The following DLG2 variants were observed in gnomAD, a reference collection of about 807,000 sequenced individuals.
DLG2 encodes the protein disks large homolog 2.
In DLG2, 45 loss-of-function variants were observed where a neutral mutation model predicts 132.5. That is an observed-to-expected ratio of 0.34 (90% CI 0.27 to 0.44). DLG2 has a LOEUF of 0.44. DLG2 is among the 20% of genes least tolerant of loss of function. The pLI is 1.00. For synonymous variants in DLG2, 424 were observed against 419.6 expected, an observed-to-expected ratio of 1.01 and a Z score of -0.13; for missense variants, 1,045 against 1,196.9, an observed-to-expected ratio of 0.87 and a Z score of 1.87.
chr11:84,091,921 G>T (rs894228385), intron 10 of DLG2, among the ~76,000 whole-genome samples: 2 of 152,140 alleles, frequency 1.3e-5, no homozygotes, highest in African/African-American at 4.8e-5. Context: ...TACTTAGTAC[G>T]TAAAGGATGC....
chr11:84,608,748 A>G (rs1277664183), intron 6 of DLG2, among the ~76,000 whole-genome samples: 2 of 152,192 alleles, frequency 1.3e-5, no homozygotes, highest in Admixed American at 1.3e-4. Flanking sequence ...TTTCTAGAGT[A>G]TGCTTTGTGA....
intron 7 of DLG2, among the ~76,000 whole-genome samples, chr11:84,280,867 A>AT (rs35970331): frequency 0.087 from 5,874 of 67,644 alleles, 609 homozygotes; most frequent in Non-Finnish European, 0.1. Context: ...TGCCCAGCCA[A>AT]TTTTTTTTTT....
chr11:84,469,153 A>C (rs1327797004), intron 7 of DLG2, among the ~76,000 whole-genome samples: 1 of 151,664 alleles, frequency 6.6e-6, no homozygotes, highest in Non-Finnish European at 1.5e-5. Context: ...TGGACCTAAA[A>C]TTGGAAGGTT....
chr11:84,930,308 T>C (rs555242479), intron 6 of DLG2, among the ~76,000 whole-genome samples: 1 of 152,232 alleles, frequency 6.6e-6, no homozygotes, highest in Admixed American at 6.6e-5. Flanking sequence ...AACCCCACAT[T>C]AAGCACTTCA....
At chr11:84,859,669 C>A (rs1269051421) in intron 6 of DLG2, among the ~76,000 whole-genome samples, 2 of 151,702 alleles carry the variant, frequency 1.3e-5, no homozygotes. Context: ...CTATTTTCCT[C>A]TTTTTCCTTT....
intron 19 of DLG2, among the ~76,000 whole-genome samples, chr11:83,614,928 T>C (rs1350576757): frequency 6.6e-6 from 1 of 152,178 alleles, no homozygotes; most frequent in Admixed American, 6.5e-5. Context: ...CTGATTTGCT[T>C]TGGGTGGCTT....
intron 5 of DLG2, among the ~76,000 whole-genome samples, chr11:85,116,458 T>C (rs1393791415): frequency 6.6e-6 from 1 of 152,022 alleles, no homozygotes; most frequent in Non-Finnish European, 1.5e-5. Flanking sequence ...GTGTTCATTA[T>C]GCATCATCCA....
chr11:84,217,551 G>A (rs1190458877), intron 8 of DLG2, among the ~76,000 whole-genome samples: 1 of 152,034 alleles, frequency 6.6e-6, no homozygotes, highest in Non-Finnish European at 1.5e-5. Flanking sequence ...GTTTGTATCA[G>A]CATCATGAAA....
chr11:85,433,585 T>C (rs551684266), intron 3 of DLG2, among the ~76,000 whole-genome samples: 1 of 152,282 alleles, frequency 6.6e-6, no homozygotes, highest in Admixed American at 6.5e-5. Flanking sequence ...CATTACATAA[T>C]GGTAAAGGGA....
intron 3 of DLG2, among the ~76,000 whole-genome samples, chr11:85,347,563 T>A (rs1013030242): frequency 1.3e-5 from 2 of 152,054 alleles, no homozygotes; most frequent in Non-Finnish European, 2.9e-5. Flanking sequence ...CTCTCCTCTG[T>A]CCCCTATATA....
intron 3 of DLG2, among the ~76,000 whole-genome samples, chr11:85,592,297 T>C (rs1227447823): frequency 6.6e-5 from 10 of 152,246 alleles, no homozygotes; most frequent in Admixed American, 6.5e-4. Context: ...ACTCTTTTTA[T>C]TTAAATAAGT....
chr11:85,529,454 T>C (rs1467517758), intron 3 of DLG2, among the ~76,000 whole-genome samples: 2 of 152,192 alleles, frequency 1.3e-5, no homozygotes, highest in African/African-American at 4.8e-5. Flanking sequence ...CTATTTTTTA[T>C]CTTGTTCACT....
chr11:84,445,681 C>T (rs746005066), intron 7 of DLG2, among the ~76,000 whole-genome samples: 10 of 151,986 alleles, frequency 6.6e-5, no homozygotes, highest in Non-Finnish European at 1.5e-4. Context: ...CTTTGGGAGG[C>T]CGAGGCGGGT....
chr11:84,652,907 G>A (rs2099683764), intron 6 of DLG2, among the ~76,000 whole-genome samples: 1 of 151,482 alleles, frequency 6.6e-6, no homozygotes. Context: ...ACAATGGTGA[G>A]GTACAATAGA....
chr11:85,572,470 T>A (rs1228812882), intron 3 of DLG2, among the ~76,000 whole-genome samples: 1 of 152,178 alleles, frequency 6.6e-6, no homozygotes, highest in Non-Finnish European at 1.5e-5. Context: ...TGTATTTCAT[T>A]TTTATTTCTT....
At chr11:84,305,151 A>C (rs2098201526) in intron 7 of DLG2, among the ~76,000 whole-genome samples, 1 of 152,220 alleles carries the variant, frequency 6.6e-6, no homozygotes, top group Non-Finnish European at 1.5e-5. Flanking sequence ...CTCCACAGCC[A>C]TAATGCAGAT....
chr11:83,623,570 T>C (rs2061990586), intron 19 of DLG2, among the ~76,000 whole-genome samples: 2 of 152,226 alleles, frequency 1.3e-5, no homozygotes, highest in South Asian at 4.1e-4. Flanking sequence ...GGAGAGCTGT[T>C]CTGTGTGTGG....
intron 3 of DLG2, among the ~76,000 whole-genome samples, chr11:85,538,431 G>A (rs541966111): frequency 1.3e-5 from 2 of 152,028 alleles, no homozygotes; most frequent in South Asian, 2.1e-4. Flanking sequence ...AGACAGTGTG[G>A]TGATTCCTCA....
intron 3 of DLG2, among the ~76,000 whole-genome samples, chr11:85,500,397 C>T (rs553835100): frequency 5.8e-5 from 3 of 51,804 alleles, no homozygotes; most frequent in Admixed American, 6.1e-4. Context: ...GTGGTGGGGT[C>T]GGGGGAGGGG....
Sources: allele counts gnomAD v4.1 joint callset (sites outside exome capture counted in the v4.1 genomes callset), GRCh38; gene constraint gnomAD v4.1.1; transcripts MANE v1.5; gene names NCBI Gene and HGNC (gene_info 2026-07-23, HGNC 2026-07-21).